Variants in GGT1 observed in about 807,000 individuals in gnomAD.
GGT1 encodes glutathione hydrolase 1 proenzyme.
A neutral mutation model predicts 56.0 loss-of-function variants in GGT1; 21 were observed. That is an observed-to-expected ratio of 0.38 (90% confidence interval 0.27 to 0.54). The LOEUF (loss-of-function observed/expected upper bound fraction) is 0.54. GGT1 is among the 20% of genes least tolerant of loss of function. The pLI, the probability that GGT1 is intolerant of heterozygous loss-of-function variation, is 0.82. For synonymous variants in GGT1, 238 were observed against 342.6 expected, an observed-to-expected ratio of 0.69 and a Z score of 3.37; for missense variants, 466 against 787.0, an observed-to-expected ratio of 0.59 and a Z score of 4.88.
intron 7 of GGT1, among the ~76,000 whole-genome samples, chr22:24,618,524 G>A (rs1487893176): frequency 6.6e-6 from 1 of 152,252 alleles, no homozygotes; most frequent in African/African-American, 2.4e-5. Flanking sequence ...CTGGGAGGCG[G>A]AGGTTGTAGT....
At chr22:24,592,891 G>C, upstream of GGT1, 1 of 1,281,102 alleles carries the variant, frequency 7.8e-7, no homozygotes, top group Non-Finnish European at 9.9e-7. Flanking sequence ...CAGCTGCCGG[G>C]CGCGCTCCGG....
At chr22:24,625,831 T>C (rs1417873684) in intron 11 of GGT1, among the ~76,000 whole-genome samples, 1 of 148,100 alleles carries the variant, frequency 6.8e-6, no homozygotes. Context: ...GCCTGGCCTG[T>C]TTTGTTGATT....
At chr22:24,599,076 T>A (rs1219885987), upstream of GGT1, 1 of 152,094 alleles carries the variant, frequency 6.6e-6, no homozygotes, top group Non-Finnish European at 1.5e-5. Flanking sequence ...GGTGGCTAGG[T>A]GGATTCAGTG....
At chr22:24,585,033 G>A in the GGT1 span, among the ~76,000 whole-genome samples, 2 of 151,980 alleles carry the variant, frequency 1.3e-5, no homozygotes, top group East Asian at 1.9e-4. Flanking sequence ...TCTCCCACAC[G>A]GGGACTCCCA....
the GGT1 span, chr22:24,588,611 G>T: frequency 9.8e-7 from 1 of 1,024,618 alleles, no homozygotes; most frequent in Non-Finnish European, 1.3e-6. Context: ...CTGTCCTCGG[G>T]CCCAGGGCCA....
intron 7 of GGT1, chr22:24,616,111 CAAA>C (rs112572592): frequency 3.3e-5 from 4 of 120,444 alleles, no homozygotes; most frequent in Non-Finnish European, 3.7e-5. Context: ...GAGACCCTGC[CAAA>C]AAAAAAAAAA....
Position 24,623,207 on chromosome 22 carries a change from T to C in GGT1, c.834T>C (p.Ser278=). Residue 278 remains serine, a synonymous_variant, in exon 10 of 16, where the codon AGT becomes AGC. Transcript: ENST00000400382. ...GAGACGTGGTGCTGTACATGCCCAG[T>C]GCGCCGCTCAGCGGGCCCGTGCTGG... ...SLGDVVLYMP[S]APLSGPVLAL... is the part of the protein sequence containing the mutation. 4 of 1,601,272 alleles carry C rather than the reference T, an allele frequency of 2.5e-6. No individual in the cohort carries two copies. Among genetic ancestry groups the C allele is most frequent in the Non-Finnish European group, 3.4e-6 (4 of 1,174,258 alleles).
intron 1 of GGT1, among the ~76,000 whole-genome samples, chr22:24,605,797 T>G (rs2046197949): frequency 1.4e-5 from 1 of 73,902 alleles, no homozygotes; most frequent in South Asian, 3.6e-4. Flanking sequence ...TTATATAATA[T>G]ATGATGTGTA....
chr22:24,600,618 G>A (rs2045766719), upstream of GGT1, among the ~76,000 whole-genome samples: 1 of 152,238 alleles, frequency 6.6e-6, no homozygotes, highest in Admixed American at 6.5e-5. Flanking sequence ...GGCTCTGGGG[G>A]CACAGGAGTT....
chr22:24,592,801 AC>A, upstream of GGT1: 4 of 1,225,396 alleles, frequency 3.3e-6, no homozygotes, highest in Non-Finnish European at 2.0e-6. Context: ...CGCCTCCCAG[AC>A]CCCCAGACCC....
chr22:24,588,345 G>A, the GGT1 span: 1 of 1,591,044 alleles, frequency 6.3e-7, no homozygotes, highest in Non-Finnish European at 8.6e-7. Flanking sequence ...GGAGGGCAGT[G>A]TCACCATGGT....
At chr22:24,592,459 C>A, upstream of GGT1, 1 of 468,822 alleles carries the variant, frequency 2.1e-6, no homozygotes. Flanking sequence ...TCCATTGTCT[C>A]TCAATACAAG....
chr22:24,591,511 T>G (rs565714526), upstream of GGT1, among the ~76,000 whole-genome samples: 2 of 152,160 alleles, frequency 1.3e-5, no homozygotes, highest in African/African-American at 2.4e-5. Flanking sequence ...GCACAGGAAG[T>G]TGGGCCAGGC....
In GGT1 at chr22:24,605,297, G is replaced by A. The variant is rs1459730451; in HGVS notation, c.-429+1770G>A. 1.7e-4 allele frequency among the ~76,000 whole-genome samples: 7 copies of A among 40,970 alleles called. 1 individual carries two copies. The East Asian group carries it at 4.4e-3, about 26-fold the overall frequency. The allele number at this position is 40,970 out of a possible 152,430, so 26.9% of individuals were successfully genotyped here. A position where few individuals can be genotyped will look rare whatever the true frequency, so the allele number is the denominator to read the frequency against. Reference sequence around the variant, plus strand: ...ATATGTATTATATATTATATAATATGTATTATATATTATATAATATGTATT... The same window carrying A: ...ATATGTATTATATATTATATAATATATATTATATATTATATAATATGTATT... On this transcript the variant is annotated intron_variant, in intron 1 of 15. Coordinates refer to ENST00000400382, the MANE Select transcript of GGT1 (RefSeq NM_001288833.2).
Position 24,628,577 on chromosome 22 carries a change from T to C in GGT1, c.1564-116T>C, listed in dbSNP as rs2047933261. The stretch of plus-strand genomic sequence containing the variant: ...AGACCCAGCAGGCCCCAACCTGCTC[T>C]TCCTGATGACCTGGCCCGAAATGGC... On this transcript the variant is annotated intron_variant, in intron 15 of 15. Coordinates refer to ENST00000400382, the MANE Select transcript of GGT1 (RefSeq NM_001288833.2). The surrounding 1 kb of genome is among the most constrained non-coding windows in gnomAD (Gnocchi z 5.7). 1 of 1,365,926 alleles carries C rather than the reference T, an allele frequency of 7.3e-7. No individual in the cohort carries two copies. The highest frequency in any genetic ancestry group is 1.8e-5 in the Admixed American group (1 of 54,474). The allele number at this position is 1,365,926 out of a possible 1,614,324, so 84.6% of individuals were successfully genotyped here.
intron 11 of GGT1, chr22:24,624,334 C>G: frequency 1.0e-6 from 1 of 985,388 alleles, no homozygotes; most frequent in Non-Finnish European, 1.2e-6. Context: ...CAGCCCTGCA[C>G]CACCTGACCC....
chr22:24,592,462 A>G (rs1373888462), upstream of GGT1: 1 of 466,092 alleles, frequency 2.1e-6, no homozygotes, highest in Admixed American at 2.4e-5. Flanking sequence ...ATTGTCTCTC[A>G]ATACAAGATG....
upstream of GGT1, among the ~76,000 whole-genome samples, chr22:24,593,825 T>C (rs1349983790): frequency 6.6e-6 from 1 of 151,278 alleles, no homozygotes; most frequent in Non-Finnish European, 1.5e-5. Context: ...TCTCTGCAGC[T>C]GGCAGTTGTG....
chr22:24,591,230 C>A (rs866605528), upstream of GGT1, among the ~76,000 whole-genome samples: 38 of 152,374 alleles, frequency 2.5e-4, 1 homozygote, highest in Non-Finnish European at 3.1e-4. Flanking sequence ...CAGGCATGTG[C>A]CACCACGCCC....
Sources: gnomAD v4.1 joint callset for allele counts (sites outside exome capture counted in the v4.1 genomes callset) on GRCh38, gnomAD v4.1.1 for gene constraint, Gnocchi (gnomAD v3.1) non-coding constraint, MANE v1.5 for transcripts, NCBI Gene and HGNC (gene_info 2026-07-23, HGNC 2026-07-21) for gene names.